SORD: variants seen among roughly 807,000 people sequenced by gnomAD.
SORD encodes (R,R)-butanediol dehydrogenase.
Under a neutral mutation model 35.6 loss-of-function variants are expected in SORD, and 18 were observed. That is an observed-to-expected ratio of 0.51 (90% CI 0.35 to 0.75). The LOEUF (loss-of-function observed/expected upper bound fraction) is 0.75, where lower values mean the gene tolerates loss of function less well. Ranked by LOEUF, SORD falls within the 30% of genes least tolerant of loss-of-function variation. SORD has a pLI of 0.01. For synonymous variants in SORD, 106 were observed against 152.9 expected, an observed-to-expected ratio of 0.69 and a Z score of 2.26; for missense variants, 250 against 390.2, an observed-to-expected ratio of 0.64 and a Z score of 3.03.
At chr15:45,028,543 G>C (rs1892717707) in intron 1 of SORD, among the ~76,000 whole-genome samples, 1 of 152,222 alleles carries the variant, frequency 6.6e-6, no homozygotes, top group Admixed American at 6.5e-5. Flanking sequence ...CCATGGAGGG[G>C]ATGTAGTCAG....
chr15:45,024,549 C>T (rs1006037651), intron 1 of SORD, among the ~76,000 whole-genome samples: 13 of 152,064 alleles, frequency 8.5e-5, no homozygotes, highest in African/African-American at 3.1e-4. Context: ...GTTCAGACTC[C>T]CCATTCTAGT....
At chr15:45,041,421 T>A (rs185038507) in intron 2 of SORD, among the ~76,000 whole-genome samples, 4,750 of 151,896 alleles carry the variant, frequency 0.031, 91 homozygotes, top group Non-Finnish European at 0.048. Context: ...CTTGAGGAGT[T>A]GGGGGTGTCC....
At chr15:45,023,396 T>A in intron 1 of SORD, 47 bp downstream of exon 1, 1 of 1,443,376 alleles carries the variant, frequency 6.9e-7, no homozygotes, top group Non-Finnish European at 9.2e-7. Context: ...TGCCTCACTC[T>A]CCTCTGAGCC....
chr15:45,030,962 T>C (rs1892772110), intron 1 of SORD, among the ~76,000 whole-genome samples: 1 of 152,256 alleles, frequency 6.6e-6, no homozygotes, highest in Non-Finnish European at 1.5e-5. Flanking sequence ...AATAACTCAA[T>C]GGCCAATTAA....
At chr15:45,029,992 A>C (rs763862142) in intron 1 of SORD, among the ~76,000 whole-genome samples, 3 of 152,268 alleles carry the variant, frequency 2.0e-5, no homozygotes, top group Non-Finnish European at 4.4e-5. Context: ...AAGGTGGGCA[A>C]AACAGTGTAG....
At chr15:45,065,419 T>A (rs1566964454) in intron 5 of SORD, 30 bp downstream of exon 5, 15 of 1,573,778 alleles carry the variant, frequency 9.5e-6, no homozygotes, top group Non-Finnish European at 1.3e-5. Flanking sequence ...CTGTTGCGGG[T>A]TCATTGACTG....
At chr15:45,067,011 T>C (rs1469225611) in intron 5 of SORD, among the ~76,000 whole-genome samples, 2 of 152,134 alleles carry the variant, frequency 1.3e-5, no homozygotes, top group Non-Finnish European at 2.9e-5. Context: ...ATAGAATCTT[T>C]TAGTTAGTTA....
chr15:45,036,822 G>C (rs192914077), intron 1 of SORD, among the ~76,000 whole-genome samples: 147 of 152,310 alleles, frequency 9.7e-4, no homozygotes, highest in African/African-American at 3.4e-3. Context: ...AGATAAAAGT[G>C]AAAGTTCAGG....
intron 3 of SORD, among the ~76,000 whole-genome samples, chr15:45,045,794 A>G (rs1463134245): frequency 2.0e-5 from 3 of 152,154 alleles, no homozygotes; most frequent in Non-Finnish European, 4.4e-5. Flanking sequence ...GCTTGAGCTC[A>G]GGAGTTTGAG....
intron 1 of SORD, among the ~76,000 whole-genome samples, chr15:45,023,677 C>G (rs1458778267): frequency 6.6e-6 from 1 of 152,260 alleles, no homozygotes; most frequent in African/African-American, 2.4e-5. Context: ...TGTCATTGAC[C>G]TTTCCAAAGG....
chr15:45,029,706 C>T (rs763053461), intron 1 of SORD, among the ~76,000 whole-genome samples: 3 of 152,252 alleles, frequency 2.0e-5, no homozygotes, highest in African/African-American at 4.8e-5. Flanking sequence ...AGCTCTTGTC[C>T]AGTGTCCAAG....
At chr15:45,063,292 C>T (rs1158517029) in intron 4 of SORD, among the ~76,000 whole-genome samples, 1 of 152,150 alleles carries the variant, frequency 6.6e-6, no homozygotes, top group Non-Finnish European at 1.5e-5. Flanking sequence ...TCCTTGGCTT[C>T]TTGATCATCT....
intron 1 of SORD, among the ~76,000 whole-genome samples, chr15:45,029,692 C>A (rs1277247441): frequency 6.6e-6 from 1 of 152,240 alleles, no homozygotes; most frequent in Non-Finnish European, 1.5e-5. Context: ...CTTGGTGGGC[C>A]CTGAGCTCTT....
At position 45,045,926 on chromosome 15, in the gene SORD, A is replaced by G. The variant is rs35363479; in HGVS notation, c.265+2505A>G. 7.3e-3 allele frequency among the ~76,000 whole-genome samples: 1,109 copies of G among 152,022 alleles called. 12 individuals are homozygous for G. Among genetic ancestry groups the G allele is most frequent in the East Asian group, 0.02 (103 of 5,150 alleles). The stretch of plus-strand genomic sequence containing the variant: ...TGAGACAGAAGGATCACTTAAGCCC[A>G]GGAGGTTGAGGTTGCAGTGAGCCAT... On this transcript the variant is annotated intron_variant, in intron 3 of 8. Coordinates refer to ENST00000267814, the MANE Select transcript of SORD (RefSeq NM_003104.6).
At chr15:45,049,991 T>C (rs1227622683) in intron 3 of SORD, among the ~76,000 whole-genome samples, 1 of 152,262 alleles carries the variant, frequency 6.6e-6, no homozygotes, top group Non-Finnish European at 1.5e-5. Flanking sequence ...TTGGCCTGAT[T>C]ATTTGCATAA....
intron 4 of SORD, among the ~76,000 whole-genome samples, chr15:45,061,791 C>T (rs1893314718): frequency 6.6e-6 from 1 of 152,072 alleles, no homozygotes; most frequent in Non-Finnish European, 1.5e-5. Context: ...ATGGCTTGAA[C>T]ACGGGAGGTG....
intron 7 of SORD, chr15:45,069,912 G>C (rs1324281035): frequency 6.6e-6 from 1 of 152,228 alleles, no homozygotes; most frequent in African/African-American, 2.4e-5. Context: ...CGACCCACCA[G>C]CCACTTATGG....
At chr15:45,049,902 CT>C (rs1893099990) in intron 3 of SORD, among the ~76,000 whole-genome samples, 1 of 152,156 alleles carries the variant, frequency 6.6e-6, no homozygotes, top group Non-Finnish European at 1.5e-5. Flanking sequence ...GCATATTTTT[CT>C]CTTGCCAGTC....
intron 1 of SORD, among the ~76,000 whole-genome samples, chr15:45,028,963 T>G (rs892460229): frequency 2.6e-5 from 4 of 152,222 alleles, no homozygotes; most frequent in African/African-American, 9.6e-5. Flanking sequence ...GCCAGCTGCT[T>G]CTATGTGATC....
Sources: gnomAD v4.1 joint callset for allele counts (sites outside exome capture counted in the v4.1 genomes callset) on GRCh38, gnomAD v4.1.1 for gene constraint, MANE v1.5 for transcripts, NCBI Gene and HGNC (gene_info 2026-07-23, HGNC 2026-07-21) for gene names.